ATP6V1D: variants seen among roughly 807,000 people sequenced by gnomAD.
ATP6V1D encodes the protein V-type proton ATPase subunit D.
Under a neutral mutation model 39.4 loss-of-function variants are expected in ATP6V1D, and 20 were observed. The ratio of observed to expected loss-of-function variants is 0.51; its 90% confidence interval spans 0.36 to 0.74. ATP6V1D has a LOEUF of 0.74. ATP6V1D is among the 30% of genes least tolerant of loss of function. ATP6V1D has a pLI of 0.00. For missense variants in ATP6V1D, 228 were observed against 291.6 expected (o/e 0.78, Z 1.59); for synonymous variants, 100 against 100.5 (o/e 0.99, Z 0.03).
At chr14:67,352,472 A>G (rs1275868488) in intron 2 of ATP6V1D, among the ~76,000 whole-genome samples, 1 of 152,010 alleles carries the variant, frequency 6.6e-6, no homozygotes, top group Non-Finnish European at 1.5e-5. Context: ...ATGTCATACC[A>G]TGCGGTAGTA....
chr14:67,352,796 C>T, intron 2 of ATP6V1D, 127 bp downstream of exon 2: 1 of 651,596 alleles, frequency 1.5e-6, no homozygotes, highest in Non-Finnish European at 2.6e-6. Context: ...ACTTGTTAAA[C>T]TTATAATGGT....
At chr14:67,353,529 C>A (rs1426275743) in intron 1 of ATP6V1D, among the ~76,000 whole-genome samples, 2 of 151,948 alleles carry the variant, frequency 1.3e-5, no homozygotes, top group Non-Finnish European at 2.9e-5. Context: ...ACTGTGAGGC[C>A]CAGGCTGGAG....
intron 8 of ATP6V1D, chr14:67,340,004 C>A (rs1373444670): frequency 7.1e-6 from 1 of 141,228 alleles, no homozygotes; most frequent in African/African-American, 2.8e-5. Flanking sequence ...GCACTCCAGC[C>A]TGGGTGACAG....
chr14:67,356,097 T>C (rs2085683472), intron 1 of ATP6V1D, among the ~76,000 whole-genome samples: 1 of 152,166 alleles, frequency 6.6e-6, no homozygotes, highest in South Asian at 2.1e-4. Context: ...TAATTTCATA[T>C]GACTGGTGTT....
At chr14:67,350,062 G>C (rs890190193) in intron 3 of ATP6V1D, among the ~76,000 whole-genome samples, 1 of 152,204 alleles carries the variant, frequency 6.6e-6, no homozygotes, top group Non-Finnish European at 1.5e-5. Flanking sequence ...GTTATTTGGA[G>C]AATTACATAA....
rs1165662781 is a variant in ATP6V1D at position 67,338,446 on chromosome 14, T to C, written c.*175A>G. ...ACAGATCTCTTTCATCCATGATAAATGGTTGCTAAATTATGATTCTGCAAA... is the reference window on the plus strand; with the variant it reads ...ACAGATCTCTTTCATCCATGATAAACGGTTGCTAAATTATGATTCTGCAAA... On this transcript the variant is annotated 3_prime_UTR_variant, in exon 9 of 9. Coordinates refer to ENST00000216442, the MANE Select transcript of ATP6V1D (RefSeq NM_015994.4). 3.0e-6 allele frequency: 2 copies of C among 669,688 alleles called. No homozygotes were observed. The highest frequency in any genetic ancestry group is 3.6e-5 in the African/African-American group (2 of 54,952). 41.5% of individuals were successfully genotyped at this position (669,688 alleles called of 1,614,324 possible).
chr14:67,342,181 A>AAAAT (rs138921606), intron 7 of ATP6V1D, among the ~76,000 whole-genome samples: 2,032 of 99,580 alleles, frequency 0.02, 20 homozygotes, highest in Middle Eastern at 0.049. Context: ...AATGATCAAT[A>AAAAT]AAATAAATAA....
At chr14:67,356,305 CA>C (rs1454384476) in intron 1 of ATP6V1D, among the ~76,000 whole-genome samples, 1 of 151,868 alleles carries the variant, frequency 6.6e-6, no homozygotes. Flanking sequence ...CCTGTGGTCC[CA>C]GCTACTCAGG....
At chr14:67,347,315 C>G in intron 5 of ATP6V1D, 94 bp downstream of exon 5, 1 of 1,000,304 alleles carries the variant, frequency 1.0e-6, no homozygotes, top group Non-Finnish European at 1.5e-6. Flanking sequence ...AGGAACCTCT[C>G]AACATCTAGC....
At position 67,338,014 on chromosome 14, in the gene ATP6V1D, C is replaced by T. The variant is rs2085553314; in HGVS notation, c.*607G>A. Reference sequence around the variant, plus strand: ...TCTGCAGAGAAAGCTCTGGCTGACACTACTGATCTGAGCATGAGAACATGA... The same window carrying T: ...TCTGCAGAGAAAGCTCTGGCTGACATTACTGATCTGAGCATGAGAACATGA... On this transcript the variant is annotated 3_prime_UTR_variant, in exon 9 of 9. Coordinates refer to ENST00000216442, the MANE Select transcript of ATP6V1D (RefSeq NM_015994.4). 1 of 152,204 alleles carries T rather than the reference C, an allele frequency of 6.6e-6. No individual in the cohort carries two copies. Among genetic ancestry groups the T allele is most frequent in the Non-Finnish European group, 1.5e-5 (1 of 68,046 alleles). 9.4% of individuals were successfully genotyped at this position (152,204 alleles called of 1,614,324 possible).
At position 67,350,509 on chromosome 14, in the gene ATP6V1D, G is replaced by C; in HGVS notation, c.239+102C>G. On this transcript the variant is annotated intron_variant, in intron 3 of 8. Transcript: ENST00000216442. ...CTTTCTTATTATTACTATATCATTT[G>C]TCCTTAACGCTTATTTCTAAATTAA... 4.2e-6 allele frequency: 4 copies of C among 955,002 alleles called. No individual in the cohort carries two copies. In the Middle Eastern group the frequency reaches 6.6e-4, roughly 158 times the overall value. 59.2% of individuals were successfully genotyped at this position (955,002 alleles called of 1,614,324 possible).
intron 6 of ATP6V1D, among the ~76,000 whole-genome samples, chr14:67,344,964 G>A (rs1383350687): frequency 2.0e-5 from 3 of 152,024 alleles, no homozygotes; most frequent in African/African-American, 7.2e-5. Context: ...AGCAGGGGCC[G>A]GGTGTGGTGG....
At chr14:67,358,686 T>C (rs966453742) in intron 1 of ATP6V1D, among the ~76,000 whole-genome samples, 1 of 152,058 alleles carries the variant, frequency 6.6e-6, no homozygotes, top group Non-Finnish European at 1.5e-5. Flanking sequence ...GGAGACCCTG[T>C]CTCTTATTAA....
At chr14:67,340,982 G>T (rs2085576793) in intron 7 of ATP6V1D, among the ~76,000 whole-genome samples, 1 of 152,188 alleles carries the variant, frequency 6.6e-6, no homozygotes, top group Non-Finnish European at 1.5e-5. Context: ...AGTGCTCAAT[G>T]GTGCCCAGGC....
chr14:67,348,855 A>G, intron 4 of ATP6V1D, 182 bp downstream of exon 4: 1 of 625,826 alleles, frequency 1.6e-6, no homozygotes, highest in South Asian at 2.0e-5. Flanking sequence ...TTCTATACAA[A>G]AGTCAAGTTA....
chr14:67,338,992 CTTT>C (rs772977015), intron 8 of ATP6V1D, among the ~76,000 whole-genome samples: 1 of 131,142 alleles, frequency 7.6e-6, no homozygotes, highest in Admixed American at 7.8e-5. Flanking sequence ...AGACAGAAGC[CTTT>C]TTTTTTTTTT....
At chr14:67,347,362 C>G in intron 5 of ATP6V1D, 47 bp downstream of exon 5, 1 of 1,472,510 alleles carries the variant, frequency 6.8e-7, no homozygotes, top group South Asian at 1.2e-5. Context: ...AAAGAGGAAA[C>G]AGGAAATCCC....
Position 67,359,655 on chromosome 14 carries a change from T to C in ATP6V1D, c.41+3A>G, listed in dbSNP as rs761094562. 1.1e-5 allele frequency: 18 copies of C among 1,613,928 alleles called. No individual in the cohort carries two copies. Among genetic ancestry groups the C allele is most frequent in the Middle Eastern group, 1.7e-4 (1 of 6,048 alleles). On this transcript the variant is annotated splice_donor_region_variant and intron_variant, in intron 1 of 8. Transcript: ENST00000216442. ...AAGCGGCTTATCCCATTCCTTTACT[T>C]ACATTCGCGAGGGAAAGATTTCAAT...
intron 4 of ATP6V1D, chr14:67,348,714 G>T (rs773458149): frequency 6.7e-5 from 14 of 209,890 alleles, no homozygotes; most frequent in Non-Finnish European, 1.2e-4. Context: ...TAGAGATGGG[G>T]TTTCACCATG....
Sources: gnomAD v4.1 joint callset for allele counts (sites outside exome capture counted in the v4.1 genomes callset) on GRCh38, gnomAD v4.1.1 for gene constraint, MANE v1.5 for transcripts, NCBI Gene and HGNC (gene_info 2026-07-23, HGNC 2026-07-21) for gene names.